The following CERK variants were observed in gnomAD, a reference collection of about 807,000 sequenced individuals.
The protein encoded by CERK is acylsphingosine kinase.
A neutral mutation model predicts 63.4 loss-of-function variants in CERK; 39 were observed. The observed-to-expected ratio is 0.61, with a 90% confidence interval of 0.48 to 0.80. CERK has a LOEUF of 0.80. Among genes scored for constraint, CERK ranks in the 30% least tolerant of loss-of-function variants. The pLI, the probability that CERK is intolerant of heterozygous loss-of-function variation, is 0.00. For missense variants in CERK, 670 were observed against 714.1 expected, an observed-to-expected ratio of 0.94 and a Z score of 0.70; for synonymous variants, 302 against 280.0, an observed-to-expected ratio of 1.08 and a Z score of -0.78.
At chr22:46,701,805 C>T (rs1305316576) in intron 6 of CERK, 95 bp from the exon 7 acceptor site, 14 of 866,206 alleles carry the variant, frequency 1.6e-5, no homozygotes, top group Non-Finnish European at 2.6e-5. Context: ...CCTTTCCTTC[C>T]ATGGCCCTAG....
chr22:46,730,235 T>C (rs1417679120), intron 1 of CERK, among the ~76,000 whole-genome samples: 5 of 139,178 alleles, frequency 3.6e-5, no homozygotes, highest in Middle Eastern at 4.2e-3. Context: ...CTGGGTAACA[T>C]GGCAAATCCC....
chr22:46,727,117 G>A (rs2082922403), intron 1 of CERK, among the ~76,000 whole-genome samples: 1 of 152,172 alleles, frequency 6.6e-6, no homozygotes, highest in South Asian at 2.1e-4. Context: ...AGGCTGAGCC[G>A]TGGTTTTTCT....
intron 8 of CERK, among the ~76,000 whole-genome samples, chr22:46,696,013 G>T (rs1455285344): frequency 6.6e-6 from 1 of 152,184 alleles, no homozygotes; most frequent in Non-Finnish European, 1.5e-5. Context: ...CTGATGCTGG[G>T]GCTGGTGCTG....
At chr22:46,723,178 A>G (rs768620898) in intron 1 of CERK, among the ~76,000 whole-genome samples, 1 of 152,238 alleles carries the variant, frequency 6.6e-6, no homozygotes, top group Non-Finnish European at 1.5e-5. Flanking sequence ...AGAAAAAGAC[A>G]AAGATGCCAG....
In CERK at chr22:46,736,339, T is replaced by C. The variant is rs2082973264; in HGVS notation, c.142+1668A>G. ...ATGCCCTGTAAGGGTCTGGCGTCTC[T>C]GCGGCGGCTGGAGCCTGAGGGAAGC... On this transcript the variant is annotated intron_variant, in intron 1 of 12. Transcript: ENST00000216264. Among the ~76,000 whole-genome samples, 4 of 152,236 alleles carry C rather than the reference T, an allele frequency of 2.6e-5. No individual in the cohort carries two copies. In the South Asian group the frequency reaches 8.3e-4, roughly 32 times the overall value.
intron 3 of CERK, among the ~76,000 whole-genome samples, chr22:46,715,246 G>T (rs766962642): frequency 2.0e-5 from 3 of 152,056 alleles, no homozygotes; most frequent in Non-Finnish European, 4.4e-5. Flanking sequence ...CCAAGCCAGG[G>T]CAAAAACATA....
intron 3 of CERK, among the ~76,000 whole-genome samples, chr22:46,717,297 T>C (rs974853641): frequency 2.6e-5 from 4 of 152,132 alleles, no homozygotes; most frequent in Non-Finnish European, 5.9e-5. Flanking sequence ...CCAGGAGAAA[T>C]GCAGACGGGT....
intron 1 of CERK, among the ~76,000 whole-genome samples, chr22:46,728,964 C>T (rs902639996): frequency 6.6e-6 from 1 of 152,244 alleles, no homozygotes; most frequent in African/African-American, 2.4e-5. Context: ...GGGGCCAAAA[C>T]AGGGCAGCCA....
Position 46,714,926 on chromosome 22 carries a change from A to G in CERK, c.380-2633T>C, listed in dbSNP as rs2082859513. 2.0e-5 allele frequency among the ~76,000 whole-genome samples: 3 copies of G among 152,058 alleles called. No individual in the cohort carries two copies. The South Asian group carries it at 6.2e-4, about 32-fold the overall frequency. ...AACAGTACTACATCACAACCAAGAG[A>G]GGTTTGTTTACTCCAGGACTGCAAC... On this transcript the variant is annotated intron_variant, in intron 3 of 12. Transcript: ENST00000216264. This position sits in a 1 kb window ranked among gnomAD's most constrained non-coding sequence, Gnocchi z 4.4.
intron 5 of CERK, among the ~76,000 whole-genome samples, chr22:46,708,847 G>A (rs961962661): frequency 2.0e-5 from 3 of 152,120 alleles, no homozygotes; most frequent in African/African-American, 7.2e-5. Flanking sequence ...AGGGTTGCAG[G>A]GGGAAGGTCC....
chr22:46,730,410 C>G (rs5767336), intron 1 of CERK, among the ~76,000 whole-genome samples: 117,868 of 151,856 alleles, frequency 0.78, 47,338 homozygotes, highest in East Asian at 0.9. Flanking sequence ...AACAGAGTGA[C>G]AGTCTATCTC....
intron 1 of CERK, among the ~76,000 whole-genome samples, chr22:46,724,183 T>A (rs2082906569): frequency 6.6e-6 from 1 of 152,228 alleles, no homozygotes; most frequent in African/African-American, 2.4e-5. Flanking sequence ...CACTTCCACT[T>A]ACCAGATAGT....
intron 6 of CERK, among the ~76,000 whole-genome samples, chr22:46,706,951 T>A (rs950943598): frequency 9.2e-5 from 14 of 152,058 alleles, no homozygotes; most frequent in Non-Finnish European, 1.8e-4. Context: ...GGAGGCAGGT[T>A]AGAGTTGAGA....
intron 6 of CERK, among the ~76,000 whole-genome samples, chr22:46,706,531 C>T (rs2082813911): frequency 2.0e-5 from 3 of 152,196 alleles, no homozygotes; most frequent in Admixed American, 2.0e-4. Context: ...TGTCTCCCAG[C>T]CTGGAGCCAG....
intron 6 of CERK, among the ~76,000 whole-genome samples, chr22:46,702,313 G>A (rs149365782): frequency 0.019 from 2,423 of 130,712 alleles, 72 homozygotes; most frequent in African/African-American, 0.067. Context: ...TTTTTTTTCC[G>A]AGACGGAGTC....
At chr22:46,731,753 G>A (rs946266276) in intron 1 of CERK, among the ~76,000 whole-genome samples, 2 of 152,184 alleles carry the variant, frequency 1.3e-5, no homozygotes, top group Non-Finnish European at 2.9e-5. Context: ...GGGCCAGATC[G>A]GGGGAGGTCA....
intron 10 of CERK, among the ~76,000 whole-genome samples, chr22:46,693,131 TCTG>T (rs1389694727): frequency 6.6e-6 from 1 of 152,082 alleles, no homozygotes. Context: ...CAATGGGACA[TCTG>T]CTGCCCCCAC....
chr22:46,720,236 T>A, intron 2 of CERK, 28 bp from the exon 3 acceptor site: 2 of 1,592,030 alleles, frequency 1.3e-6, no homozygotes, highest in Non-Finnish European at 1.7e-6. Context: ...TGCTCGTTAG[T>A]GCAAAGTTTG....
In CERK at chr22:46,684,814, T is replaced by G. The variant is rs1014361469; in HGVS notation, c.*2320A>C. 5 of 152,148 alleles carry G rather than the reference T, an allele frequency of 3.3e-5. No homozygotes were observed. Among genetic ancestry groups the G allele is most frequent in the Admixed American group, 6.6e-5 (1 of 15,266 alleles). 9.4% of individuals were successfully genotyped at this position (152,148 alleles called of 1,614,324 possible). A position where few individuals can be genotyped will look rare whatever the true frequency, so the allele number is the denominator to read the frequency against. On this transcript the variant is annotated 3_prime_UTR_variant, in exon 13 of 13. Coordinates refer to ENST00000216264, the MANE Select transcript of CERK (RefSeq NM_022766.6). The stretch of plus-strand genomic sequence containing the variant: ...CTATCTAGCGGGAATGTCTGGGCAG[T>G]CACCCCCATCCTGCGCGCAGATAGC...
Sources: gnomAD v4.1 joint callset for allele counts (sites outside exome capture counted in the v4.1 genomes callset) on GRCh38, gnomAD v4.1.1 for gene constraint, Gnocchi (gnomAD v3.1) non-coding constraint, MANE v1.5 for transcripts, NCBI Gene and HGNC (gene_info 2026-07-23, HGNC 2026-07-21) for gene names.